Variants in COPG1 observed in about 807,000 individuals in gnomAD.
COPG1 encodes the protein coatomer subunit gamma-1.
COPG1 carries 29 observed loss-of-function variants against 102.8 expected under a neutral mutation model. The ratio of observed to expected loss-of-function variants is 0.28; its 90% CI spans 0.21 to 0.38. The LOEUF (loss-of-function observed/expected upper bound fraction) is 0.38. COPG1 is among the 10% of genes least tolerant of loss of function. The pLI is 1.00. For missense variants in COPG1, 875 were observed against 1,132.7 expected (o/e 0.77, Z 3.27); for synonymous variants, 406 against 421.6 (o/e 0.96, Z 0.45).
chr3:129,273,381 G>A (rs1484064105), intron 21 of COPG1, among the ~76,000 whole-genome samples: 3 of 152,182 alleles, frequency 2.0e-5, no homozygotes, highest in African/African-American at 7.2e-5. Flanking sequence ...GAAAACTTGG[G>A]AAATACAAAA....
At chr3:129,253,502 T>C (rs138043178) in intron 5 of COPG1, among the ~76,000 whole-genome samples, 44 of 152,288 alleles carry the variant, frequency 2.9e-4, no homozygotes, top group African/African-American at 1.1e-3. Flanking sequence ...AAGATAGACA[T>C]GGCCTCTGTA....
chr3:129,277,531 A>G lies in COPG1; in HGVS notation c.*107A>G. On this transcript the variant is annotated 3_prime_UTR_variant, in exon 24 of 24. Coordinates refer to ENST00000314797, the MANE Select transcript of COPG1 (RefSeq NM_016128.4). ...CCTTCCCAAGCTTCTGTATTGAAAA[A>G]CAATTAGGAATCATTGCAGATTTTT... The G allele has an allele frequency of 3.3e-6, 4 of 1,225,626 alleles. No homozygotes were observed. Among genetic ancestry groups the G allele is most frequent in the African/African-American group, 1.5e-5 (1 of 65,872 alleles). 75.9% of individuals were successfully genotyped at this position (1,225,626 alleles called of 1,614,324 possible).
intron 7 of COPG1, among the ~76,000 whole-genome samples, chr3:129,255,586 G>A (rs1939793453): frequency 6.6e-6 from 1 of 151,804 alleles, no homozygotes; most frequent in Non-Finnish European, 1.5e-5. Context: ...TGGCTCAAGC[G>A]ATTCACATGC....
chr3:129,261,454 T>C (rs1160893790), intron 12 of COPG1, among the ~76,000 whole-genome samples: 1 of 152,194 alleles, frequency 6.6e-6, no homozygotes, highest in Admixed American at 6.5e-5. Flanking sequence ...CTCAATCATG[T>C]AAGGCCCATG....
rs951136242 is a variant in COPG1, at chr3:129,254,369, A to G, written c.324-299A>G. The G allele has an allele frequency of 1.3e-5, 4 of 316,588 alleles. No homozygotes were observed. In the South Asian group the frequency reaches 2.2e-4, roughly 18 times the overall value. 19.6% of individuals were successfully genotyped at this position (316,588 alleles called of 1,614,324 possible). ...ACAGGCTGAGGAAACAGCACATGCA[A>G]AGGCTGGAGAGGAGTGAGCATAGCC... On this transcript the variant is annotated intron_variant, in intron 5 of 23. Coordinates refer to ENST00000314797, the MANE Select transcript of COPG1 (RefSeq NM_016128.4).
rs376046075 is a variant in COPG1, at chr3:129,277,445, C to T, written c.*21C>T. On this transcript the variant is annotated 3_prime_UTR_variant, in exon 24 of 24. Transcript: ENST00000314797. The stretch of plus-strand genomic sequence containing the variant: ...GATAAGAGGCCAGCCTGCATAGGAC[C>T]TCATACCCTTCCCCAACACTACCTG... 3.1e-6 allele frequency: 5 copies of T among 1,612,054 alleles called. No homozygotes were observed. Among genetic ancestry groups the T allele is most frequent in the East Asian group, 2.2e-5 (1 of 44,860 alleles).
intron 7 of COPG1, among the ~76,000 whole-genome samples, chr3:129,255,462 C>A (rs1182579943): frequency 7.2e-6 from 1 of 139,806 alleles, no homozygotes; most frequent in African/African-American, 2.7e-5. Context: ...CAGGCGTGAG[C>A]CACTGTGCCT....
chr3:129,275,150 G>T lies in COPG1; in HGVS notation c.2396-44G>T. 1 of 1,574,952 alleles carries T rather than the reference G, an allele frequency of 6.3e-7. No individual in the cohort carries two copies. Among genetic ancestry groups the T allele is most frequent in the East Asian group, 2.2e-5 (1 of 44,572 alleles). On this transcript the variant is annotated intron_variant, in intron 22 of 23. Transcript: ENST00000314797. This position sits in a 1 kb window ranked among gnomAD's most constrained non-coding sequence, Gnocchi z 5.0. ...CATGGGGGAGTGGTGGTGGCACAAA[G>T]GGCAGATAAGATGGCTTAACAATAT... is the stretch of plus-strand genomic sequence containing the variant.
intron 8 of COPG1, 77 bp downstream of exon 8, chr3:129,256,231 T>G: frequency 8.3e-7 from 1 of 1,201,670 alleles, no homozygotes. Context: ...CATGGACACT[T>G]GCCACCGAGA....
chr3:129,274,790 C>G (rs753135157), intron 21 of COPG1, 48 bp from the exon 22 acceptor site: 11 of 1,606,236 alleles, frequency 6.8e-6, no homozygotes, highest in Non-Finnish European at 9.4e-6. Flanking sequence ...AGAGCAGAGG[C>G]CCGTAGGTGT....
In COPG1 at chr3:129,252,315, G is replaced by A. The variant is rs371120121; in HGVS notation, c.125G>A (p.Arg42Gln). 10 of 1,613,182 alleles carry A rather than the reference G, an allele frequency of 6.2e-6. No homozygotes were observed. The South Asian group carries it at 6.6e-5, about 11-fold the overall frequency. The change falls in exon 3 of 24, where the codon CGG becomes CAG. Residue 42 changes from arginine to glutamine, a missense_variant. Physicochemically the swap from Arg to Gln is conservative, Grantham distance 43. Transcript: ENST00000314797. Reference protein sequence around the residue: ...RVFNETPINPRKCAHILTKIL... With the variant: ...RVFNETPINPQKCAHILTKIL... The stretch of plus-strand genomic sequence containing the variant: ...TTTAATGAAACTCCCATCAACCCTC[G>A]GAAATGTGCCCACATCCTCACCAAG...
In COPG1 at chr3:129,265,536, C is replaced by T. The variant is rs747809177; in HGVS notation, c.1225-13C>T. The T allele has an allele frequency of 6.2e-7, 1 of 1,613,242 alleles. No individual in the cohort carries two copies. Among genetic ancestry groups the T allele is most frequent in the Admixed American group, 1.7e-5 (1 of 60,002 alleles). ...AGAGCAGGCTCCTTGCTTAGCTCAG[C>T]TTCTCTCTGCAGGGTGGCTTTGAGT... On this transcript the variant is annotated splice_polypyrimidine_tract_variant and intron_variant, in intron 13 of 23. Coordinates refer to ENST00000314797, the MANE Select transcript of COPG1 (RefSeq NM_016128.4).
Position 129,277,594 on chromosome 3 carries a change from C to T in COPG1, c.*170C>T, listed in dbSNP as rs1560069680. 1.5e-5 allele frequency: 7 copies of T among 470,284 alleles called. No individual in the cohort carries two copies. Among genetic ancestry groups the T allele is most frequent in the South Asian group, 3.0e-5 (1 of 33,500 alleles). 29.1% of individuals were successfully genotyped at this position (470,284 alleles called of 1,614,324 possible). ...CCCACCTCCCACCCGGGACTACTTG[C>T]TGGTGACTTTTTTTTTTTTTTTTTT... On this transcript the variant is annotated 3_prime_UTR_variant, in exon 24 of 24. Transcript: ENST00000314797.
chr3:129,272,866 G>A lies in COPG1; in HGVS notation c.2218G>A (p.Gly740Arg), dbSNP rs758688889. 1.2e-6 allele frequency: 2 copies of A among 1,612,556 alleles called. No individual in the cohort carries two copies. The highest frequency in any genetic ancestry group is 1.7e-6 in the Non-Finnish European group (2 of 1,178,700). ...TGTCAAGGACTGTGATCCCACCACTGGGGAGACTGATGACGAAGGCTATGA... is the reference window on the plus strand; with the variant it reads ...TGTCAAGGACTGTGATCCCACCACTAGGGAGACTGATGACGAAGGCTATGA... Reference protein sequence around the residue: ...FTVKDCDPTTGETDDEGYEDE... With the variant: ...FTVKDCDPTTRETDDEGYEDE... The change falls in exon 21 of 24, where the codon GGG becomes AGG. Residue 740 changes from glycine to arginine, a missense_variant. Gly to Arg is a moderately radical substitution (Grantham distance 125). Transcript: ENST00000314797.
At chr3:129,268,242 G>C (rs1940107402) in intron 16 of COPG1, among the ~76,000 whole-genome samples, 1 of 152,102 alleles carries the variant, frequency 6.6e-6, no homozygotes, top group Admixed American at 6.5e-5. Context: ...GAATTGAAAC[G>C]CTCATCATTA....
At chr3:129,268,900 T>C in intron 17 of COPG1, 32 bp from the exon 18 acceptor site, 1 of 1,594,040 alleles carries the variant, frequency 6.3e-7, no homozygotes, top group South Asian at 1.1e-5. Flanking sequence ...ACTCCAGCTG[T>C]TGGTCATCAC....
intron 2 of COPG1, 33 bp downstream of exon 2, chr3:129,250,767 CATAA>C: frequency 6.4e-7 from 1 of 1,567,420 alleles, no homozygotes; most frequent in Middle Eastern, 1.7e-4. Flanking sequence ...TAGCTTCCAT[CATAA>C]ATATTCACCA....
At chr3:129,277,154 A>T in intron 23 of COPG1, 140 bp from the exon 24 acceptor site, 1 of 809,132 alleles carries the variant, frequency 1.2e-6, no homozygotes, top group Non-Finnish European at 2.0e-6. Context: ...GAAATCCCTC[A>T]CTCAGGGATT....
intron 8 of COPG1, 68 bp downstream of exon 8, chr3:129,256,222 A>G: frequency 7.4e-7 from 1 of 1,346,464 alleles, no homozygotes; most frequent in Non-Finnish European, 1.1e-6. Context: ...GCCAGTTGGC[A>G]TGGACACTTG....
Sources: gnomAD v4.1 joint callset for allele counts (sites outside exome capture counted in the v4.1 genomes callset) on GRCh38, gnomAD v4.1.1 for gene constraint, Gnocchi (gnomAD v3.1) non-coding constraint, MANE v1.5 for transcripts, NCBI Gene and HGNC (gene_info 2026-07-23, HGNC 2026-07-21) for gene names.